The following CTNNA3 variants were observed in gnomAD, a reference collection of about 807,000 sequenced individuals.
The protein encoded by CTNNA3 is catenin alpha-3.
Under a neutral mutation model 95.7 loss-of-function variants are expected in CTNNA3, and 76 were observed. That is an observed-to-expected ratio of 0.79 (90% CI 0.66 to 0.96). CTNNA3 has a LOEUF of 0.96. Among genes scored for constraint, CTNNA3 ranks in the 40% least tolerant of loss-of-function variants. The pLI, the probability that CTNNA3 is intolerant of heterozygous loss-of-function variation, is 0.00. For synonymous variants in CTNNA3, 431 were observed against 374.4 expected, an observed-to-expected ratio of 1.15 and a Z score of -1.74; for missense variants, 1,191 against 1,089.8, an observed-to-expected ratio of 1.09 and a Z score of -1.31.
Position 67,472,079 on chromosome 10 carries a change from G to C in CTNNA3, c.579+49763C>G, listed in dbSNP as rs553578320. ...CAAAACTTGATTCAATGATTATTTA[G>C]TTATTTACTAGTTGCTAGGCAATGT... is the stretch of plus-strand genomic sequence containing the variant. On this transcript the variant is annotated intron_variant, in intron 5 of 17. Transcript: ENST00000433211. Among the ~76,000 whole-genome samples the C allele has an allele frequency of 2.0e-5, 3 of 152,234 alleles. No individual in the cohort carries two copies. In the South Asian group the frequency reaches 6.2e-4, roughly 32 times the overall value.
At chr10:66,116,477 C>T (rs1020911) in intron 13 of CTNNA3, among the ~76,000 whole-genome samples, 60,613 of 151,896 alleles carry the variant, frequency 0.4, 12,477 homozygotes, top group African/African-American at 0.48. Context: ...GAGAACAACT[C>T]AAATCTTAAT....
rs187442514 is a variant in CTNNA3 at position 67,151,571 on chromosome 10, C to T, written c.1047+28746G>A. ...AGTAATATTGTGTATCCCTTTTCACCCTGGAAAATAAGTCCTTCAAATTCC... is the reference window on the plus strand; with the variant it reads ...AGTAATATTGTGTATCCCTTTTCACTCTGGAAAATAAGTCCTTCAAATTCC... On this transcript the variant is annotated intron_variant, in intron 7 of 17. Transcript: ENST00000433211. 3.6e-4 allele frequency among the ~76,000 whole-genome samples: 55 copies of T among 152,212 alleles called. 1 individual carries two copies. The highest frequency in any genetic ancestry group is 1.5e-3 in the East Asian group (8 of 5,168).
chr10:67,504,501 A>G (rs1414299695), intron 5 of CTNNA3, among the ~76,000 whole-genome samples: 4 of 151,866 alleles, frequency 2.6e-5, no homozygotes, highest in Non-Finnish European at 4.4e-5. Context: ...GAAAGAAAAA[A>G]AAATAGAGTA....
At chr10:67,259,859 T>C (rs1231671394) in intron 5 of CTNNA3, among the ~76,000 whole-genome samples, 3 of 152,146 alleles carry the variant, frequency 2.0e-5, no homozygotes, top group African/African-American at 7.2e-5. Context: ...TAAAGTGTAA[T>C]TGGGATAGTG....
At chr10:66,552,280 TTTTG>T (rs1842244034) in intron 10 of CTNNA3, among the ~76,000 whole-genome samples, 2 of 152,140 alleles carry the variant, frequency 1.3e-5, no homozygotes, top group Non-Finnish European at 2.9e-5. Context: ...GAGCTTTTCT[TTTTG>T]GTTCTCTAGA....
chr10:67,341,026 T>C (rs189942168), intron 5 of CTNNA3, among the ~76,000 whole-genome samples: 8 of 152,238 alleles, frequency 5.3e-5, no homozygotes, highest in Non-Finnish European at 2.9e-5. Context: ...AAATAAGACA[T>C]ATAGGTTTTT....
chr10:65,994,420 G>C lies in CTNNA3; in HGVS notation c.2160-5623C>G, dbSNP rs564609795. 3.8e-4 allele frequency among the ~76,000 whole-genome samples: 58 copies of C among 150,726 alleles called. 1 individual carries two copies. Among genetic ancestry groups the C allele is most frequent in the Middle Eastern group, 3.4e-3 (1 of 292 alleles). On this transcript the variant is annotated intron_variant, in intron 15 of 17. Coordinates refer to ENST00000433211, the MANE Select transcript of CTNNA3 (RefSeq NM_013266.4). ...CAATTTTGCTGGGTATAGTGTTCTG[G>C]ATTGACATTTTTTTTTTTTGGTTTT... is the stretch of plus-strand genomic sequence containing the variant.
At chr10:67,324,701 C>CTTT (rs77397580) in intron 5 of CTNNA3, among the ~76,000 whole-genome samples, 4 of 142,000 alleles carry the variant, frequency 2.8e-5, no homozygotes, top group Non-Finnish European at 4.7e-5. Context: ...AAATTTTCTC[C>CTTT]TTTTTTTTTT....
At chr10:67,699,117 T>C (rs1841012802), upstream of CTNNA3, among the ~76,000 whole-genome samples, 1 of 152,150 alleles carries the variant, frequency 6.6e-6, no homozygotes, top group Non-Finnish European at 1.5e-5. Context: ...AGGACTCTGC[T>C]CCTTCACGAT....
At chr10:66,510,118 G>T (rs4746597) in intron 11 of CTNNA3, among the ~76,000 whole-genome samples, 23,125 of 151,648 alleles carry the variant, frequency 0.15, 1,831 homozygotes, top group Non-Finnish European at 0.17. Flanking sequence ...TTTCACCTTG[G>T]TTAAATTTAT....
Position 66,650,087 on chromosome 10 carries a change from C to A in CTNNA3, c.1282-28303G>T, listed in dbSNP as rs1032488679. On this transcript the variant is annotated intron_variant, in intron 9 of 17. Coordinates refer to ENST00000433211, the MANE Select transcript of CTNNA3 (RefSeq NM_013266.4). ...ATAAGTAAACATCAGATTAAAACTA[C>A]ACTTTAGACCAAATAGACCCAACAG... is the stretch of plus-strand genomic sequence containing the variant. Among the ~76,000 whole-genome samples, 4 of 152,112 alleles carry A rather than the reference C, an allele frequency of 2.6e-5. No individual in the cohort carries two copies. The East Asian group carries it at 7.7e-4, about 29-fold the overall frequency.
At chr10:66,124,838 T>C (rs1376337740) in intron 13 of CTNNA3, among the ~76,000 whole-genome samples, 3 of 152,150 alleles carry the variant, frequency 2.0e-5, no homozygotes, top group African/African-American at 7.2e-5. Flanking sequence ...CCCACCCTCT[T>C]AATTCCATCA....
At chr10:66,259,747 T>A (rs947106497) in intron 13 of CTNNA3, among the ~76,000 whole-genome samples, 4 of 152,142 alleles carry the variant, frequency 2.6e-5, no homozygotes, top group African/African-American at 9.6e-5. Context: ...CTATATTGAC[T>A]ATTACATAAC....
At chr10:66,263,758 T>C (rs2091075748) in intron 13 of CTNNA3, among the ~76,000 whole-genome samples, 1 of 151,974 alleles carries the variant, frequency 6.6e-6, no homozygotes, top group Non-Finnish European at 1.5e-5. Context: ...GCTTTAGTCA[T>C]CAATTCCAGG....
At chr10:67,548,124 A>G (rs953810802) in intron 3 of CTNNA3, among the ~76,000 whole-genome samples, 3 of 152,118 alleles carry the variant, frequency 2.0e-5, no homozygotes, top group Non-Finnish European at 4.4e-5. Flanking sequence ...TGTCCTCATG[A>G]TAACAAGTGA....
intron 17 of CTNNA3, among the ~76,000 whole-genome samples, chr10:65,923,370 G>A (rs1040512830): frequency 6.6e-6 from 1 of 152,142 alleles, no homozygotes; most frequent in African/African-American, 2.4e-5. Flanking sequence ...TAACCAAAAT[G>A]CATTAACTTA....
At chr10:67,177,212 A>T (rs1289479444) in intron 7 of CTNNA3, among the ~76,000 whole-genome samples, 1 of 152,170 alleles carries the variant, frequency 6.6e-6, no homozygotes, top group Non-Finnish European at 1.5e-5. Flanking sequence ...TCTTAATGTG[A>T]CAAGACATTG....
chr10:67,156,996 A>G (rs1179559387), intron 7 of CTNNA3, among the ~76,000 whole-genome samples: 1 of 152,132 alleles, frequency 6.6e-6, no homozygotes, highest in African/African-American at 2.4e-5. Flanking sequence ...TAGTTGCTGT[A>G]TCTTCCTAAT....
intron 7 of CTNNA3, among the ~76,000 whole-genome samples, chr10:67,036,417 G>T (rs544776558): frequency 2.3e-4 from 35 of 152,132 alleles, no homozygotes; most frequent in Admixed American, 2.3e-3. Context: ...TGTAACCCCA[G>T]CACTTTGGAA....
Sources: allele counts gnomAD v4.1 joint callset (sites outside exome capture counted in the v4.1 genomes callset), GRCh38; gene constraint gnomAD v4.1.1; transcripts MANE v1.5; gene names NCBI Gene and HGNC (gene_info 2026-07-23, HGNC 2026-07-21).